Variants in GPR137C observed in about 807,000 individuals in gnomAD.
GPR137C encodes the protein G protein-coupled receptor 137C, also known as integral membrane protein GPR137C.
GPR137C carries 27 observed loss-of-function variants against 43.4 expected under a neutral mutation model. The observed-to-expected ratio is 0.62, with a 90% CI of 0.46 to 0.86. The LOEUF is 0.86. Among genes scored for constraint, GPR137C ranks in the 40% least tolerant of loss-of-function variants. The probability of loss-of-function intolerance (pLI) is 0.00; values close to 1 mark genes in which losing one functional copy is unlikely to be tolerated. For synonymous variants in GPR137C, 285 were observed against 226.9 expected (o/e 1.26, Z -2.30); for missense variants, 522 against 534.6 (o/e 0.98, Z 0.23).
intron 1 of GPR137C, among the ~76,000 whole-genome samples, chr14:52,556,791 T>C (rs990772817): frequency 4.6e-5 from 7 of 152,126 alleles, no homozygotes; most frequent in Non-Finnish European, 1.0e-4. Context: ...TCTAAATTTT[T>C]TTTTTTAATG....
At chr14:52,603,736 A>C (rs1456602058) in intron 3 of GPR137C, among the ~76,000 whole-genome samples, 1 of 151,918 alleles carries the variant, frequency 6.6e-6, no homozygotes, top group African/African-American at 2.4e-5. Flanking sequence ...ACGGGGTTTC[A>C]CCATGTTGGC....
intron 3 of GPR137C, among the ~76,000 whole-genome samples, chr14:52,630,887 C>T (rs143267121): frequency 1.3e-5 from 2 of 152,192 alleles, no homozygotes; most frequent in East Asian, 3.9e-4. Flanking sequence ...ACTTTTAGAG[C>T]ATGATGTAAT....
intron 1 of GPR137C, among the ~76,000 whole-genome samples, chr14:52,594,509 G>A (rs764525033): frequency 1.1e-4 from 16 of 152,082 alleles, no homozygotes; most frequent in Non-Finnish European, 2.2e-4. Flanking sequence ...TTCTGTATTG[G>A]GTGCATATAT....
chr14:52,575,877 G>A (rs2038543149), intron 1 of GPR137C, among the ~76,000 whole-genome samples: 6 of 152,140 alleles, frequency 3.9e-5, no homozygotes, highest in Admixed American at 3.9e-4. Context: ...TCTTAGTCCA[G>A]GAGACTTCAG....
chr14:52,556,882 A>G (rs1355883062), intron 1 of GPR137C, among the ~76,000 whole-genome samples: 1 of 152,054 alleles, frequency 6.6e-6, no homozygotes, highest in African/African-American at 2.4e-5. Flanking sequence ...TGAAGTTCTT[A>G]CTTTCAGTTT....
At chr14:52,600,428 C>CTGTTT (rs2038910443) in intron 3 of GPR137C, 87 bp downstream of exon 3, 1 of 674,124 alleles carries the variant, frequency 1.5e-6, no homozygotes, top group African/African-American at 1.9e-5. Flanking sequence ...GTTTATATTG[C>CTGTTT]TATTTTATTT....
chr14:52,613,603 G>A (rs1358586000), intron 3 of GPR137C: 5 of 188,824 alleles, frequency 2.6e-5, no homozygotes, highest in East Asian at 1.6e-4. Context: ...GAGAACATGC[G>A]ATGTTTGTCT....
intron 3 of GPR137C, among the ~76,000 whole-genome samples, chr14:52,604,104 G>C (rs963192087): frequency 1.3e-5 from 2 of 151,950 alleles, no homozygotes; most frequent in African/African-American, 4.8e-5. Flanking sequence ...TTTTTAATTT[G>C]ATTATCTATC....
intron 3 of GPR137C, among the ~76,000 whole-genome samples, chr14:52,602,537 C>G (rs909400191): frequency 1.3e-5 from 2 of 152,030 alleles, no homozygotes; most frequent in African/African-American, 4.8e-5. Flanking sequence ...CCAAATAAAA[C>G]ACAGTATGCC....
intron 1 of GPR137C, among the ~76,000 whole-genome samples, chr14:52,561,363 C>G (rs1376706570): frequency 6.6e-6 from 1 of 152,206 alleles, no homozygotes; most frequent in African/African-American, 2.4e-5. Context: ...GTCCCAGCTA[C>G]TCAGGAAACT....
At chr14:52,613,858 G>C (rs2039066517) in intron 3 of GPR137C, 1 of 155,374 alleles carries the variant, frequency 6.4e-6, no homozygotes, top group Non-Finnish European at 1.4e-5. Flanking sequence ...CCTTTCTTTT[G>C]GGTATATACC....
In GPR137C at chr14:52,553,171, G is replaced by C. The variant is rs1228851665; in HGVS notation, c.24G>C (p.Pro8=). Reference sequence around the variant, plus strand: ...TCATGAGGGTGTCCGTGCCGGGTCCGGCGGCCGCTGCCGCCCCCGCAGCCG... The same window carrying C: ...TCATGAGGGTGTCCGTGCCGGGTCCCGCGGCCGCTGCCGCCCCCGCAGCCG... The part of the protein sequence containing the change: MRVSVPG[P]AAAAAPAAGR... The change falls in exon 1 of 7, where the codon CCG becomes CCC. Residue 8 remains proline, a synonymous_variant. Coordinates refer to ENST00000321662, the MANE Select transcript of GPR137C (RefSeq NM_001099652.2). 11 of 1,178,770 alleles carry C rather than the reference G, an allele frequency of 9.3e-6. No individual in the cohort carries two copies. The highest frequency in any genetic ancestry group is 1.2e-5 in the Non-Finnish European group (11 of 956,270). The allele number at this position is 1,178,770 out of a possible 1,614,324, so 73.0% of individuals were successfully genotyped here.
chr14:52,559,662 G>T (rs1295843178), intron 1 of GPR137C, among the ~76,000 whole-genome samples: 1 of 152,102 alleles, frequency 6.6e-6, no homozygotes, highest in Non-Finnish European at 1.5e-5. Flanking sequence ...ACATTGTGCT[G>T]GAAGTCTTAG....
Position 52,553,275 on chromosome 14 carries a change from G to T in GPR137C, c.128G>T (p.Gly43Val). ...VAAASGAAVP[G>V]SVQLALSVLH... The stretch of plus-strand genomic sequence containing the variant: ...GCAGCCTCAGGCGCCGCGGTGCCGG[G>T]CTCCGTGCAGTTGGCGCTGAGCGTC... Residue 43 changes from glycine to valine, a missense_variant, in exon 1 of 7, where the codon GGC (glycine) becomes GTC (valine). By Grantham distance (109) the Gly-to-Val change is moderately radical. Around this residue, in one of 3 missense-constraint regions of GPR137C, gnomAD observed 437 missense variants for 425.7 expected, o/e 1.03. Transcript: ENST00000321662. 1 of 1,478,734 alleles carries T rather than the reference G, an allele frequency of 6.8e-7. No individual in the cohort carries two copies. The highest frequency in any genetic ancestry group is 1.3e-5 in the South Asian group (1 of 76,772). 91.6% of individuals were successfully genotyped at this position (1,478,734 alleles called of 1,614,324 possible). A position where few individuals can be genotyped will look rare whatever the true frequency, so the allele number is the denominator to read the frequency against.
chr14:52,612,137 G>A lies in GPR137C; in HGVS notation c.717+11796G>A, dbSNP rs113501407. ...TAGCCATATTATCCTTACTAAAAAT[G>A]TATTTTTTCTGATTATTAAAACTTG... On this transcript the variant is annotated intron_variant, in intron 3 of 6. Transcript: ENST00000321662. The A allele has an allele frequency of 4.7e-4, 465 of 983,048 alleles. No individual in the cohort carries two copies. In the African/African-American group the frequency reaches 4.8e-3, roughly 10 times the overall value. The allele number at this position is 983,048 out of a possible 1,614,324, so 60.9% of individuals were successfully genotyped here. A position where few individuals can be genotyped will look rare whatever the true frequency, so the allele number is the denominator to read the frequency against.
At chr14:52,577,054 G>T (rs1028935544) in intron 1 of GPR137C, among the ~76,000 whole-genome samples, 1 of 93,440 alleles carries the variant, frequency 1.1e-5, no homozygotes, top group South Asian at 3.7e-4. Context: ...GCCAGGCGTG[G>T]TGCTGTAGTC....
chr14:52,560,991 A>G (rs1490694907), intron 1 of GPR137C, among the ~76,000 whole-genome samples: 2 of 152,352 alleles, frequency 1.3e-5, no homozygotes, highest in South Asian at 2.1e-4. Flanking sequence ...AAACATAAAG[A>G]ACTTATAACT....
In GPR137C at chr14:52,625,532, C is replaced by CTTTTTT. The variant is rs770278309; in HGVS notation, c.718-6593_718-6588dup. On this transcript the variant is annotated intron_variant, in intron 3 of 6. Transcript: ENST00000321662. Reference sequence around the variant, plus strand: ...GAAAATAGAGGAGGGAAGAACACATCTTTTTTTTTTTTTTTTTTTTTTTTT... The same window carrying CTTTTTT: ...GAAAATAGAGGAGGGAAGAACACATCTTTTTTTTTTTTTTTTTTTTTTTTTTTTTTT... Among the ~76,000 whole-genome samples the CTTTTTT allele has an allele frequency of 1.9e-4, 7 of 36,058 alleles. 2 individuals are homozygous for CTTTTTT. The highest frequency in any genetic ancestry group is 2.5e-4 in the Non-Finnish European group (5 of 19,936). The allele number at this position is 36,058 out of a possible 152,430, so 23.7% of individuals were successfully genotyped here. A position where few individuals can be genotyped will look rare whatever the true frequency, so the allele number is the denominator to read the frequency against.
At chr14:52,611,963 C>T (rs2039043731) in intron 3 of GPR137C, 3 of 985,196 alleles carry the variant, frequency 3.0e-6, no homozygotes, top group Non-Finnish European at 3.6e-6. Flanking sequence ...CTTGTTCTTA[C>T]AAAACTTGGA....
Sources: allele counts gnomAD v4.1 joint callset (sites outside exome capture counted in the v4.1 genomes callset), GRCh38; gene constraint gnomAD v4.1.1; regional missense constraint gnomAD v4.1.1; transcripts MANE v1.5; gene names NCBI Gene and HGNC (gene_info 2026-07-23, HGNC 2026-07-21).